Variants in DCC observed in about 807,000 individuals in gnomAD.
The protein encoded by DCC is netrin receptor DCC.
Under a neutral mutation model 172.5 loss-of-function variants are expected in DCC, and 58 were observed. The observed-to-expected ratio is 0.34, with a 90% CI of 0.27 to 0.42. DCC has a LOEUF of 0.42. DCC is among the 10% of genes least tolerant of loss of function. The pLI is 1.00. For synonymous variants in DCC, 709 were observed against 644.5 expected, an observed-to-expected ratio of 1.10 and a Z score of -1.52; for missense variants, 1,740 against 1,791.0, an observed-to-expected ratio of 0.97 and a Z score of 0.51.
intron 7 of DCC, among the ~76,000 whole-genome samples, chr18:53,128,986 A>G (rs899720357): frequency 1.5e-4 from 22 of 150,916 alleles, no homozygotes; most frequent in Non-Finnish European, 4.4e-5. Context: ...TCCCAGGTTC[A>G]AGCTATTCTC....
chr18:52,877,037 A>C (rs560031447), intron 2 of DCC, among the ~76,000 whole-genome samples: 1 of 152,314 alleles, frequency 6.6e-6, no homozygotes, highest in Non-Finnish European at 1.5e-5. Context: ...ATTTATACTA[A>C]AAATGTATTC....
chr18:52,693,922 T>C (rs1455530734), intron 1 of DCC, among the ~76,000 whole-genome samples: 1 of 152,138 alleles, frequency 6.6e-6, no homozygotes, highest in East Asian at 1.9e-4. Flanking sequence ...AAATCTTTCT[T>C]ATAGATATAT....
intron 15 of DCC, among the ~76,000 whole-genome samples, chr18:53,373,224 G>A (rs2058077140): frequency 6.6e-6 from 1 of 152,044 alleles, no homozygotes; most frequent in Non-Finnish European, 1.5e-5. Flanking sequence ...AGTCTTTTGT[G>A]CCTTTGATTT....
chr18:53,348,296 G>GTC (rs1335478175), intron 15 of DCC, among the ~76,000 whole-genome samples: 6 of 152,208 alleles, frequency 3.9e-5, no homozygotes, highest in African/African-American at 1.4e-4. Flanking sequence ...CAGAGGGACA[G>GTC]TCAAATCTTA....
At chr18:53,452,278 G>C (rs2045424058) in intron 23 of DCC, among the ~76,000 whole-genome samples, 1 of 152,164 alleles carries the variant, frequency 6.6e-6, no homozygotes. Flanking sequence ...GTACCAAAAT[G>C]ACACCTGGCC....
intron 5 of DCC, among the ~76,000 whole-genome samples, chr18:52,995,980 A>G (rs1374429697): frequency 6.6e-6 from 1 of 151,764 alleles, no homozygotes; most frequent in Non-Finnish European, 1.5e-5. Context: ...ATTGCTGAGT[A>G]AAGACTGTTC....
At chr18:52,786,788 T>A (rs781442086) in intron 2 of DCC, among the ~76,000 whole-genome samples, 3 of 152,110 alleles carry the variant, frequency 2.0e-5, no homozygotes, top group Non-Finnish European at 4.4e-5. Context: ...GGGGACTGTG[T>A]AGACAAGGTA....
intron 1 of DCC, among the ~76,000 whole-genome samples, chr18:52,373,916 G>A (rs113084082): frequency 3.2e-4 from 43 of 135,252 alleles, no homozygotes; most frequent in South Asian, 1.2e-3. Flanking sequence ...TTTTTGAGAC[G>A]GAGTCTCGCT....
At chr18:53,040,603 T>G (rs2042156155) in intron 5 of DCC, among the ~76,000 whole-genome samples, 1 of 151,956 alleles carries the variant, frequency 6.6e-6, no homozygotes, top group African/African-American at 2.4e-5. Context: ...GAAGCTTCTA[T>G]AAGATTGCAG....
chr18:52,912,707 C>G (rs1336280008), intron 3 of DCC, among the ~76,000 whole-genome samples: 2 of 152,006 alleles, frequency 1.3e-5, no homozygotes, highest in Non-Finnish European at 2.9e-5. Context: ...ATGAACAATT[C>G]TAATCCTCTC....
At chr18:52,717,433 T>TC (rs1487892783) in intron 1 of DCC, among the ~76,000 whole-genome samples, 3 of 129,710 alleles carry the variant, frequency 2.3e-5, no homozygotes, top group Non-Finnish European at 3.5e-5. Context: ...TAAATTTCTT[T>TC]TTTTTTTTTT....
chr18:53,032,665 A>G (rs993081165), intron 5 of DCC, among the ~76,000 whole-genome samples: 2 of 152,172 alleles, frequency 1.3e-5, no homozygotes, highest in Non-Finnish European at 2.9e-5. Context: ...AATGAATAAG[A>G]AAAATGCCCA....
At chr18:53,405,208 A>C (rs1440907484) in intron 19 of DCC, among the ~76,000 whole-genome samples, 1 of 142,114 alleles carries the variant, frequency 7.0e-6, no homozygotes, top group Non-Finnish European at 1.6e-5. Context: ...AAAAAAAAGA[A>C]ATGAGCTCTT....
chr18:53,364,816 C>T (rs966859550), intron 15 of DCC, among the ~76,000 whole-genome samples: 1 of 151,972 alleles, frequency 6.6e-6, no homozygotes, highest in Non-Finnish European at 1.5e-5. Context: ...GTAAAGGTGT[C>T]CTAACCATCC....
At chr18:52,396,879 T>G (rs1986250373) in intron 1 of DCC, among the ~76,000 whole-genome samples, 1 of 152,044 alleles carries the variant, frequency 6.6e-6, no homozygotes, top group African/African-American at 2.4e-5. Flanking sequence ...CACGAGGCTG[T>G]GTGATCCTCT....
At chr18:52,648,299 G>T (rs1011704002) in intron 1 of DCC, among the ~76,000 whole-genome samples, 2 of 152,176 alleles carry the variant, frequency 1.3e-5, no homozygotes, top group East Asian at 1.9e-4. Context: ...GCAAATCAGG[G>T]CTTCCCCTCA....
chr18:52,708,269 G>A (rs1276651548), intron 1 of DCC, among the ~76,000 whole-genome samples: 1 of 151,912 alleles, frequency 6.6e-6, no homozygotes. Context: ...GTGAAACCCC[G>A]TCTCTACTAA....
intron 8 of DCC, among the ~76,000 whole-genome samples, chr18:53,166,969 C>A (rs948546779): frequency 1.3e-5 from 2 of 152,130 alleles, no homozygotes; most frequent in South Asian, 2.1e-4. Context: ...GTTTTGAAAT[C>A]TTTTAATTGT....
At chr18:52,610,408 G>A (rs200326293) in intron 1 of DCC, among the ~76,000 whole-genome samples, 1,319 of 74,308 alleles carry the variant, frequency 0.018, no homozygotes, top group East Asian at 0.032. Flanking sequence ...AAAAAAAAAA[G>A]AAAAAGAAAA....
Sources: allele counts gnomAD v4.1 joint callset (sites outside exome capture counted in the v4.1 genomes callset), GRCh38; gene constraint gnomAD v4.1.1; transcripts MANE v1.5; gene names NCBI Gene and HGNC (gene_info 2026-07-23, HGNC 2026-07-21).